The following DAG1 variants were observed in gnomAD, a reference collection of about 807,000 sequenced individuals.
The protein encoded by DAG1 is dystroglycan 1 (dystrophin-associated glycoprotein 1).
Under a neutral mutation model 46.1 loss-of-function variants are expected in DAG1, and 8 were observed. That is an observed-to-expected ratio of 0.17 (90% confidence interval 0.10 to 0.31). The LOEUF (loss-of-function observed/expected upper bound fraction) is 0.31. Among genes scored for constraint, DAG1 ranks in the 10% least tolerant of loss-of-function variants. The pLI is 1.00. For missense variants in DAG1, 1,003 were observed against 1,189.9 expected, an observed-to-expected ratio of 0.84 and a Z score of 2.31; for synonymous variants, 495 against 481.8, an observed-to-expected ratio of 1.03 and a Z score of -0.36.
At chr3:49,505,637 A>G (rs2050585347) in intron 1 of DAG1, among the ~76,000 whole-genome samples, 1 of 152,094 alleles carries the variant, frequency 6.6e-6, no homozygotes, top group Non-Finnish European at 1.5e-5. Flanking sequence ...ATCTGCAAAT[A>G]AGGGCAATTT....
Position 49,532,073 on chromosome 3 carries a change from A to T in DAG1, c.1562A>T (p.Asp521Val). 1 of 1,614,194 alleles carries T rather than the reference A, an allele frequency of 6.2e-7. No homozygotes were observed. The highest frequency in any genetic ancestry group is 8.5e-7 in the Non-Finnish European group (1 of 1,180,038). ...GTYFEVKIPSDTFYDHEDTTT... is the reference protein window; with the variant it reads ...GTYFEVKIPSVTFYDHEDTTT... ...TACTTTGAGGTGAAGATCCCGTCAG[A>T]CACTTTCTATGACCATGAGGACACC... The change falls in exon 3 of 3, where the codon GAC becomes GTC. Residue 521 changes from aspartate to valine, a missense_variant. By Grantham distance (152) the Asp-to-Val change is radical. This residue lies in a region of DAG1 where 755 missense variants were observed against 854.1 expected (regional missense o/e 0.88). Transcript: ENST00000308775. The surrounding 1 kb of genome is among the most constrained non-coding windows in gnomAD (Gnocchi z 5.4).
At chr3:49,485,566 T>A (rs982095255) in intron 1 of DAG1, among the ~76,000 whole-genome samples, 1 of 152,160 alleles carries the variant, frequency 6.6e-6, no homozygotes, top group African/African-American at 2.4e-5. Flanking sequence ...AAATAAATAA[T>A]TTTGAAGCCA....
intron 1 of DAG1, among the ~76,000 whole-genome samples, chr3:49,496,900 T>C (rs1044012335): frequency 6.6e-6 from 1 of 151,982 alleles, no homozygotes; most frequent in Admixed American, 6.6e-5. Context: ...GTTGGGATTA[T>C]AGGTGTGAGC....
Position 49,532,188 on chromosome 3 carries a change from G to A in DAG1, c.1677G>A (p.Gln559=), listed in dbSNP as rs776570100. 8 of 1,614,232 alleles carry A rather than the reference G, an allele frequency of 5.0e-6. No homozygotes were observed. The highest frequency in any genetic ancestry group is 2.2e-5 in the South Asian group (2 of 91,086). ...KSWVQFNSNS[Q]LMYGLPDSSH... ...GGGTACAGTTCAACAGCAACAGCCA[G>A]CTCATGTATGGCCTTCCCGACAGCA... Residue 559 remains glutamine (Q), a synonymous_variant, in exon 3 of 3, where the codon CAG becomes CAA. Coordinates refer to ENST00000308775, the MANE Select transcript of DAG1 (RefSeq NM_004393.6). This position sits in a 1 kb window ranked among gnomAD's most constrained non-coding sequence, Gnocchi z 5.4.
intron 1 of DAG1, among the ~76,000 whole-genome samples, chr3:49,502,128 A>C (rs2050469419): frequency 6.6e-6 from 1 of 152,192 alleles, no homozygotes; most frequent in Non-Finnish European, 1.5e-5. Flanking sequence ...CTGTGATTAC[A>C]CCATTTCCAG....
intron 1 of DAG1, among the ~76,000 whole-genome samples, chr3:49,510,039 ATTTC>A (rs1187182346): frequency 6.6e-6 from 1 of 152,066 alleles, no homozygotes; most frequent in Non-Finnish European, 1.5e-5. Flanking sequence ...TGTTTAATAC[ATTTC>A]TTTATTATTT....
intron 2 of DAG1, among the ~76,000 whole-genome samples, chr3:49,525,370 T>C (rs2051140472): frequency 6.6e-6 from 1 of 152,132 alleles, no homozygotes. Flanking sequence ...AAGAAATACC[T>C]GAGACTGGTA....
intron 2 of DAG1, among the ~76,000 whole-genome samples, chr3:49,528,275 A>AGTTTTTTTTTTTTTTT (rs2051239058): frequency 1.5e-5 from 1 of 66,660 alleles, no homozygotes; most frequent in African/African-American, 6.9e-5. Flanking sequence ...AAATAGTGTG[A>AGTTTTTTTTTTTTTTT]TTTTTTTTTT....
At chr3:49,489,471 AATAGTAGGGAATCGG>A (rs2050125596) in intron 1 of DAG1, among the ~76,000 whole-genome samples, 1 of 152,174 alleles carries the variant, frequency 6.6e-6, no homozygotes, top group Non-Finnish European at 1.5e-5. Flanking sequence ...ACTGGGAACC[AATAGTAGGGAATCGG>A]ATACTGGGAA....
chr3:49,500,275 G>A (rs1338235859), intron 1 of DAG1, among the ~76,000 whole-genome samples: 2 of 152,140 alleles, frequency 1.3e-5, no homozygotes, highest in Non-Finnish European at 2.9e-5. Context: ...CCTCCAAAGT[G>A]CTGGTATTAC....
At chr3:49,501,790 G>C (rs1163831630) in intron 1 of DAG1, among the ~76,000 whole-genome samples, 1 of 150,424 alleles carries the variant, frequency 6.6e-6, no homozygotes, top group South Asian at 2.2e-4. Flanking sequence ...CTCCAGCCCG[G>C]GTGACAGAGT....
At chr3:49,479,783 G>A (rs4241408) in intron 1 of DAG1, among the ~76,000 whole-genome samples, 62,991 of 147,658 alleles carry the variant, frequency 0.43, 14,583 homozygotes, top group East Asian at 0.92. Context: ...CATTACAGGC[G>A]CGCACCACCA....
intron 1 of DAG1, among the ~76,000 whole-genome samples, chr3:49,507,303 C>T (rs1471541393): frequency 6.6e-6 from 1 of 152,194 alleles, no homozygotes; most frequent in Non-Finnish European, 1.5e-5. Context: ...TGGCTCACAC[C>T]TGTAATCCCA....
intron 1 of DAG1, among the ~76,000 whole-genome samples, chr3:49,490,828 C>G (rs1484932891): frequency 6.6e-6 from 1 of 151,588 alleles, no homozygotes; most frequent in Non-Finnish European, 1.5e-5. Flanking sequence ...TCTCAGCCTC[C>G]CAAAGTGCTG....
At chr3:49,516,770 T>A (rs2050908048) in intron 2 of DAG1, among the ~76,000 whole-genome samples, 1 of 152,180 alleles carries the variant, frequency 6.6e-6, no homozygotes, top group Non-Finnish European at 1.5e-5. Context: ...CTCAGCCATT[T>A]CTTCAAGGAG....
intron 1 of DAG1, among the ~76,000 whole-genome samples, chr3:49,485,210 C>T (rs1454852825): frequency 2.0e-5 from 3 of 151,856 alleles, no homozygotes; most frequent in East Asian, 3.9e-4. Flanking sequence ...CTCCTGACCT[C>T]GTGATCTGCC....
intron 1 of DAG1, among the ~76,000 whole-genome samples, chr3:49,474,792 AAATT>A (rs2049629704): frequency 6.8e-6 from 1 of 147,530 alleles, no homozygotes; most frequent in Non-Finnish European, 1.5e-5. Flanking sequence ...CTTTTTTTTA[AAATT>A]AATTAATTAA....
chr3:49,479,899 C>A (rs1284384636), intron 1 of DAG1, among the ~76,000 whole-genome samples: 1 of 149,892 alleles, frequency 6.7e-6, no homozygotes, highest in Non-Finnish European at 1.5e-5. Context: ...CTCGGCCCCC[C>A]AGAGTGCTGG....
At chr3:49,530,657 A>G in intron 2 of DAG1, 140 bp from the exon 3 acceptor site, 1 of 1,209,358 alleles carries the variant, frequency 8.3e-7, no homozygotes, top group Non-Finnish European at 1.2e-6. Flanking sequence ...GTGTCTCTCT[A>G]GGGGGGAGGA....
Sources: gnomAD v4.1 joint callset for allele counts (sites outside exome capture counted in the v4.1 genomes callset) on GRCh38, gnomAD v4.1.1 for gene constraint, gnomAD v4.1.1 regional missense constraint, Gnocchi (gnomAD v3.1) non-coding constraint, MANE v1.5 for transcripts, NCBI Gene and HGNC (gene_info 2026-07-23, HGNC 2026-07-21) for gene names.